ACYP2: variants seen among roughly 807,000 people sequenced by gnomAD.
The protein encoded by ACYP2 is acylphosphatase-2.
ACYP2 carries 12 observed loss-of-function variants against 11.2 expected under a neutral mutation model. The observed-to-expected ratio is 1.08, with a 90% CI of 0.69 to 1.74. ACYP2 has a LOEUF of 1.74. Ranked by LOEUF, ACYP2 falls within the 40% of genes most tolerant of loss-of-function variation. The pLI, the probability that ACYP2 is intolerant of heterozygous loss-of-function variation, is 0.00. For missense variants in ACYP2, 134 were observed against 101.9 expected (o/e 1.31, Z -1.35); for synonymous variants, 43 against 32.2 (o/e 1.33, Z -1.13).
intron 2 of ACYP2, among the ~76,000 whole-genome samples, chr2:53,986,019 C>T (rs1426193663): frequency 6.6e-6 from 1 of 151,992 alleles, no homozygotes; most frequent in African/African-American, 2.4e-5. Flanking sequence ...ACCTGTAATC[C>T]CAGCTCCTCG....
At position 54,189,426 on chromosome 2, in the gene ACYP2, G is replaced by C. The variant is rs139702388; in HGVS notation, c.404+50678G>C. The stretch of plus-strand genomic sequence containing the variant: ...AAGTGATATCATGTAAAAATTTTCT[G>C]TGTCTGGATTATTTTACTTAGCATA... On this transcript the variant is annotated intron_variant, in intron 6 of 6. Coordinates refer to ENST00000607452, the MANE Select transcript of ACYP2 (RefSeq NM_001320586.2). Among the ~76,000 whole-genome samples, 15 of 152,164 alleles carry C rather than the reference G, an allele frequency of 9.9e-5. No homozygotes were observed. The East Asian group carries it at 2.9e-3, about 29-fold the overall frequency.
chr2:54,162,076 T>C (rs537570572), intron 6 of ACYP2, among the ~76,000 whole-genome samples: 1 of 152,280 alleles, frequency 6.6e-6, no homozygotes, highest in African/African-American at 2.4e-5. Context: ...CTGGACCAAA[T>C]CCAAATTCAG....
At chr2:54,243,124 C>T (rs1378267216) in intron 6 of ACYP2, among the ~76,000 whole-genome samples, 4 of 152,028 alleles carry the variant, frequency 2.6e-5, no homozygotes, top group African/African-American at 7.2e-5. Context: ...TGACATTTTT[C>T]GTTTGAAAAA....
chr2:54,246,720 C>A (rs531386073), intron 6 of ACYP2, among the ~76,000 whole-genome samples: 1 of 152,008 alleles, frequency 6.6e-6, no homozygotes, highest in Non-Finnish European at 1.5e-5. Context: ...TGTCTAATAT[C>A]TAATATCTAG....
chr2:54,201,634 T>TTG lies in ACYP2; in HGVS notation c.404+62887_404+62888insGT, dbSNP rs1256055435. ...TTTCTTTCTTTCTTTGTTTCTTTCT[T>TTG]TCTCTTTCTTTCTTTCTTTCTTTCT... On this transcript the variant is annotated intron_variant, in intron 6 of 6. Coordinates refer to ENST00000607452, the MANE Select transcript of ACYP2 (RefSeq NM_001320586.2). 6.2e-5 allele frequency among the ~76,000 whole-genome samples: 4 copies of TTG among 64,808 alleles called. No homozygotes were observed. The East Asian group carries it at 2.4e-3, about 39-fold the overall frequency. The allele number at this position is 64,808 out of a possible 152,430, so 42.5% of individuals were successfully genotyped here.
intron 6 of ACYP2, among the ~76,000 whole-genome samples, chr2:54,147,065 G>T (rs1681928650): frequency 6.6e-6 from 1 of 151,866 alleles, no homozygotes; most frequent in South Asian, 2.1e-4. Context: ...CAAAGTGCTG[G>T]GATTATAGGT....
chr2:54,066,670 A>G (rs1676767957), intron 4 of ACYP2, among the ~76,000 whole-genome samples: 2 of 152,184 alleles, frequency 1.3e-5, no homozygotes, highest in Admixed American at 1.3e-4. Context: ...ATTATTTTGA[A>G]ATTGAAGACA....
intron 6 of ACYP2, chr2:54,255,534 C>A (rs1481881116): frequency 6.2e-7 from 1 of 1,613,638 alleles, no homozygotes; most frequent in Non-Finnish European, 8.5e-7. Context: ...GCTGGATGGA[C>A]TCCAGGGGGT....
chr2:54,202,069 G>A (rs754237076), intron 6 of ACYP2, among the ~76,000 whole-genome samples: 1 of 151,444 alleles, frequency 6.6e-6, no homozygotes, highest in Admixed American at 6.6e-5. Context: ...GATTCATCTT[G>A]AGTTAACTTT....
chr2:54,077,209 G>A (rs769833014), intron 4 of ACYP2, among the ~76,000 whole-genome samples: 1 of 152,204 alleles, frequency 6.6e-6, no homozygotes, highest in Non-Finnish European at 1.5e-5. Flanking sequence ...AATGGAAGAA[G>A]TCCTAGACTC....
intron 4 of ACYP2, among the ~76,000 whole-genome samples, chr2:54,100,597 C>T (rs897728335): frequency 1.3e-5 from 2 of 151,986 alleles, no homozygotes; most frequent in African/African-American, 4.8e-5. Context: ...GGACGAGTCA[C>T]CACACCCACC....
At chr2:54,164,116 T>A (rs558294320) in intron 6 of ACYP2, among the ~76,000 whole-genome samples, 2 of 152,174 alleles carry the variant, frequency 1.3e-5, no homozygotes. Flanking sequence ...GAAAGAGGGA[T>A]CTGATTAGGG....
chr2:54,113,049 A>G (rs1456616234), intron 4 of ACYP2, among the ~76,000 whole-genome samples: 1 of 152,178 alleles, frequency 6.6e-6, no homozygotes, highest in East Asian at 1.9e-4. Flanking sequence ...TGGTTCCAGG[A>G]ATCCCCTTGG....
chr2:54,276,398 A>G (rs540000622), intron 6 of ACYP2, among the ~76,000 whole-genome samples: 1 of 152,146 alleles, frequency 6.6e-6, no homozygotes, highest in Non-Finnish European at 1.5e-5. Context: ...ACTTATTTAC[A>G]CACTGGGGGA....
chr2:54,185,756 T>G (rs541847041), intron 6 of ACYP2, among the ~76,000 whole-genome samples: 1 of 152,144 alleles, frequency 6.6e-6, no homozygotes, highest in African/African-American at 2.4e-5. Context: ...ACCAATCATA[T>G]GCAGATTAAA....
At chr2:53,990,332 C>G (rs1672227067) in intron 2 of ACYP2, among the ~76,000 whole-genome samples, 1 of 152,008 alleles carries the variant, frequency 6.6e-6, no homozygotes, top group African/African-American at 2.4e-5. Flanking sequence ...GAGTTCACTT[C>G]TAACAAGCAA....
chr2:54,140,057 T>C (rs1681516811), intron 6 of ACYP2, among the ~76,000 whole-genome samples: 1 of 152,232 alleles, frequency 6.6e-6, no homozygotes, highest in South Asian at 2.1e-4. Flanking sequence ...TGTGTAAAAC[T>C]ACACCTCAAA....
chr2:54,249,213 T>A (rs550467305), intron 6 of ACYP2, among the ~76,000 whole-genome samples: 1 of 152,112 alleles, frequency 6.6e-6, no homozygotes, highest in Non-Finnish European at 1.5e-5. Context: ...GGAAGGGGAC[T>A]CCTGGGACTG....
chr2:54,256,847 T>C (rs1289543915), intron 6 of ACYP2, among the ~76,000 whole-genome samples: 1 of 147,342 alleles, frequency 6.8e-6, no homozygotes, highest in Non-Finnish European at 1.5e-5. Flanking sequence ...TTTGTATTTT[T>C]AGTCAAGACA....
Sources: gnomAD v4.1 joint callset for allele counts (sites outside exome capture counted in the v4.1 genomes callset) on GRCh38, gnomAD v4.1.1 for gene constraint, MANE v1.5 for transcripts, NCBI Gene and HGNC (gene_info 2026-07-23, HGNC 2026-07-21) for gene names.